RINT1: variants seen among roughly 807,000 people sequenced by gnomAD.
RINT1 encodes RAD50-interacting protein 1.
RINT1 carries 75 observed loss-of-function variants against 97.7 expected under a neutral mutation model. The observed-to-expected ratio is 0.77, with a 90% CI of 0.64 to 0.93. RINT1 has a LOEUF of 0.93. Ranked by LOEUF, RINT1 falls within the 40% of genes least tolerant of loss-of-function variation. The pLI is 0.00. For missense variants in RINT1, 892 were observed against 925.2 expected (o/e 0.96, Z 0.47); for synonymous variants, 303 against 326.3 (o/e 0.93, Z 0.77).
At chr7:105,561,117 C>G (rs1345906792) in intron 11 of RINT1, among the ~76,000 whole-genome samples, 1 of 151,574 alleles carries the variant, frequency 6.6e-6, no homozygotes, top group Admixed American at 6.6e-5. Context: ...AAAAAAAAAC[C>G]TTGGCAAGGT....
chr7:105,541,437 C>T (rs763920172), intron 3 of RINT1, among the ~76,000 whole-genome samples: 1 of 151,782 alleles, frequency 6.6e-6, no homozygotes, highest in African/African-American at 2.4e-5. Flanking sequence ...GTGCCCGGCC[C>T]TTCCTTTGCT....
chr7:105,557,640 AAC>A (rs1791241108), intron 11 of RINT1, among the ~76,000 whole-genome samples: 1 of 152,196 alleles, frequency 6.6e-6, no homozygotes, highest in African/African-American at 2.4e-5. Flanking sequence ...TTATATGTAG[AAC>A]AAAAATTTAT....
chr7:105,532,473 C>T (rs144041553), intron 1 of RINT1, 116 bp downstream of exon 1: 16 of 1,224,780 alleles, frequency 1.3e-5, no homozygotes, highest in Non-Finnish European at 1.7e-5. Flanking sequence ...AAGGTGCTTC[C>T]TGCGGCTTAG....
At chr7:105,550,981 C>T (rs1195219089) in intron 9 of RINT1, among the ~76,000 whole-genome samples, 2 of 152,152 alleles carry the variant, frequency 1.3e-5, no homozygotes, top group African/African-American at 4.8e-5. Flanking sequence ...TCTGGAACTC[C>T]TGACTTCAAG....
chr7:105,546,326 AG>A (rs1295046862), intron 4 of RINT1, among the ~76,000 whole-genome samples: 1 of 152,148 alleles, frequency 6.6e-6, no homozygotes, highest in Non-Finnish European at 1.5e-5. Flanking sequence ...GTCTGTCAGG[AG>A]GAGTAGGAAG....
intron 7 of RINT1, 69 bp from the exon 8 acceptor site, chr7:105,549,986 A>T: frequency 3.1e-6 from 3 of 977,824 alleles, no homozygotes; most frequent in Non-Finnish European, 4.7e-6. Context: ...ACAATTAAAT[A>T]GAACCATGTA....
chr7:105,548,744 T>C, intron 7 of RINT1, 34 bp downstream of exon 7: 2 of 1,568,042 alleles, frequency 1.3e-6, no homozygotes, highest in Non-Finnish European at 1.7e-6. Context: ...TTGGTTTTTA[T>C]TGGTAACAAA....
chr7:105,546,992 A>T lies in RINT1; in HGVS notation c.598A>T (p.Lys200Ter). The part of the protein sequence containing the change: ...TLVSMAELDI[K>*]LQESSCTHLL... ...AGTGTCTATGGCAGAACTTGACATT[A>T]AACTTCAGGAATCATCTTGTACTCA... Residue 200 changes from lysine to a stop codon, truncating the protein, a stop_gained, in exon 5 of 15, where the codon AAA becomes TAA. Transcript: ENST00000257700. LOFTEE classifies it high-confidence loss of function. 6.2e-7 allele frequency: 1 copy of T among 1,613,892 alleles called. No homozygotes were observed. Among genetic ancestry groups the T allele is most frequent in the African/African-American group, 1.3e-5 (1 of 75,072 alleles).
At chr7:105,560,176 T>C (rs571752989) in intron 11 of RINT1, among the ~76,000 whole-genome samples, 1 of 152,316 alleles carries the variant, frequency 6.6e-6, no homozygotes, top group East Asian at 1.9e-4. Context: ...CCTTCTGCAA[T>C]CTCAAAAGAA....
rs963564592 is a variant in RINT1 at position 105,552,955 on chromosome 7, A to G, written c.1471+1248A>G. ...CCAAAGTGCTGGGATTACAGGCATG[A>G]GCCACCGTGCCCAGTCATCATTCCA... On this transcript the variant is annotated intron_variant, in intron 10 of 14. Transcript: ENST00000257700. Among the ~76,000 whole-genome samples the G allele has an allele frequency of 1.4e-4, 21 of 151,936 alleles. 1 individual carries two copies. The highest frequency in any genetic ancestry group is 3.1e-4 in the Non-Finnish European group (21 of 68,008).
intron 10 of RINT1, among the ~76,000 whole-genome samples, chr7:105,553,930 ACT>A (rs1449351604): frequency 2.0e-4 from 12 of 61,400 alleles, no homozygotes; most frequent in Non-Finnish European, 2.5e-4. Flanking sequence ...ATGGAGTCTC[ACT>A]CTGTCGCCCA....
intron 11 of RINT1, among the ~76,000 whole-genome samples, chr7:105,558,869 A>AAGAT (rs1300591230): frequency 6.6e-6 from 1 of 151,824 alleles, no homozygotes; most frequent in Non-Finnish European, 1.5e-5. Flanking sequence ...CTGAGGTGGG[A>AAGAT]AGATTGCTTG....
chr7:105,560,972 G>A (rs1349975014), intron 11 of RINT1, among the ~76,000 whole-genome samples: 4 of 151,818 alleles, frequency 2.6e-5, no homozygotes, highest in Admixed American at 6.6e-5. Flanking sequence ...CCGCCGCCCC[G>A]GGCTCCCAAA....
At chr7:105,559,826 AT>A (rs1186468738) in intron 11 of RINT1, among the ~76,000 whole-genome samples, 1 of 152,240 alleles carries the variant, frequency 6.6e-6, no homozygotes, top group Non-Finnish European at 1.5e-5. Context: ...ATAAGTAAAA[AT>A]TATTAAAGCT....
At chr7:105,559,576 C>G (rs753998843) in intron 11 of RINT1, among the ~76,000 whole-genome samples, 11 of 145,952 alleles carry the variant, frequency 7.5e-5, no homozygotes, top group Non-Finnish European at 1.5e-4. Flanking sequence ...AAAGAAAAAG[C>G]CAGGTGTGGT....
intron 9 of RINT1, 88 bp downstream of exon 9, chr7:105,550,574 AG>A: frequency 5.4e-6 from 5 of 929,496 alleles, no homozygotes; most frequent in Middle Eastern, 2.2e-4. Flanking sequence ...AGTTCTAAAT[AG>A]GAACTAGAGC....
intron 10 of RINT1, among the ~76,000 whole-genome samples, chr7:105,553,547 C>T (rs993820367): frequency 6.0e-5 from 9 of 150,952 alleles, no homozygotes; most frequent in African/African-American, 9.7e-5. Context: ...AGTGAAACCC[C>T]GTCTCTACTA....
intron 2 of RINT1, chr7:105,535,448 T>G (rs1457076075): frequency 2.6e-6 from 1 of 382,478 alleles, no homozygotes; most frequent in African/African-American, 2.1e-5. Context: ...CAGGCTGGTC[T>G]CGAACTCCTG....
chr7:105,562,330 A>C (rs1459580078), intron 11 of RINT1, among the ~76,000 whole-genome samples: 3 of 152,156 alleles, frequency 2.0e-5, no homozygotes, highest in South Asian at 4.1e-4. Context: ...GGCTCACTGC[A>C]ACCTCTGCCT....
Sources: gnomAD v4.1 joint callset for allele counts (sites outside exome capture counted in the v4.1 genomes callset) on GRCh38, gnomAD v4.1.1 for gene constraint, MANE v1.5 for transcripts, NCBI Gene and HGNC (gene_info 2026-07-23, HGNC 2026-07-21) for gene names.